The following SGCD variants were observed in gnomAD, a reference collection of about 807,000 sequenced individuals.
SGCD encodes sarcoglycan delta, also known as delta-sarcoglycan.
SGCD carries 18 observed loss-of-function variants against 36.6 expected under a neutral mutation model. That is an observed-to-expected ratio of 0.49 (90% CI 0.34 to 0.73). SGCD has a LOEUF of 0.73. SGCD is among the 30% of genes least tolerant of loss of function. The probability of loss-of-function intolerance (pLI) is 0.01; values close to 1 mark genes in which losing one functional copy is unlikely to be tolerated. For missense variants in SGCD, 387 were observed against 346.7 expected (o/e 1.12, Z -0.92); for synonymous variants, 133 against 130.6 (o/e 1.02, Z -0.12).
intron 3 of SGCD, among the ~76,000 whole-genome samples, chr5:156,446,363 G>T (rs569305322): frequency 6.6e-6 from 1 of 152,234 alleles, no homozygotes; most frequent in African/African-American, 2.4e-5. Flanking sequence ...GGTAAGAGAA[G>T]CTCAGTGTAG....
At chr5:155,950,394 G>A (rs1367124295) in intron 1 of SGCD, among the ~76,000 whole-genome samples, 6 of 152,148 alleles carry the variant, frequency 3.9e-5, no homozygotes, top group Admixed American at 3.9e-4. Context: ...ATGTCCTGAT[G>A]TCCTCAACCT....
At chr5:156,379,036 C>T (rs946859896) in intron 3 of SGCD, among the ~76,000 whole-genome samples, 1 of 152,114 alleles carries the variant, frequency 6.6e-6, no homozygotes, top group Non-Finnish European at 1.5e-5. Context: ...TACTCACAAA[C>T]CTATTCATAA....
intron 3 of SGCD, among the ~76,000 whole-genome samples, chr5:156,278,032 G>A (rs1766360993): frequency 6.6e-6 from 1 of 152,116 alleles, no homozygotes. Context: ...AAAAGGGGAG[G>A]GAGCATCAGA....
chr5:156,358,571 T>G (rs1341493066), intron 3 of SGCD, among the ~76,000 whole-genome samples: 1 of 152,220 alleles, frequency 6.6e-6, no homozygotes, highest in African/African-American at 2.4e-5. Flanking sequence ...GTGCTTGAGA[T>G]ATGAGAGTGA....
chr5:155,975,822 G>A (rs1758102638), intron 1 of SGCD, among the ~76,000 whole-genome samples: 1 of 150,744 alleles, frequency 6.6e-6, no homozygotes, highest in South Asian at 2.1e-4. Context: ...TAGAGACGGG[G>A]TTTTGCCATG....
chr5:156,268,152 C>T (rs1046361868), intron 3 of SGCD, among the ~76,000 whole-genome samples: 1 of 152,124 alleles, frequency 6.6e-6, no homozygotes, highest in Non-Finnish European at 1.5e-5. Flanking sequence ...CATGTTCCTG[C>T]AAAAACATGA....
At chr5:155,912,072 T>C (rs1756641724) in intron 1 of SGCD, among the ~76,000 whole-genome samples, 1 of 152,072 alleles carries the variant, frequency 6.6e-6, no homozygotes, top group Non-Finnish European at 1.5e-5. Context: ...AGATGGTCAG[T>C]GATGTCATTC....
intron 4 of SGCD, among the ~76,000 whole-genome samples, chr5:156,571,457 CTT>C (rs888043947): frequency 1.3e-5 from 2 of 152,176 alleles, no homozygotes; most frequent in Admixed American, 1.3e-4. Context: ...TATTCTCTCT[CTT>C]AGATATGATA....
At chr5:156,556,809 G>T (rs1006763813) in intron 4 of SGCD, among the ~76,000 whole-genome samples, 9 of 152,158 alleles carry the variant, frequency 5.9e-5, no homozygotes, top group African/African-American at 2.2e-4. Context: ...AATAATGAGA[G>T]AATTTTCATA....
At chr5:155,792,608 A>C in the SGCD span, among the ~76,000 whole-genome samples, 1 of 152,188 alleles carries the variant, frequency 6.6e-6, no homozygotes, top group Non-Finnish European at 1.5e-5. Flanking sequence ...ATGAGCAGAC[A>C]CTTCTCAAAA....
chr5:156,574,630 T>A (rs1759852259), intron 4 of SGCD, among the ~76,000 whole-genome samples: 1 of 152,278 alleles, frequency 6.6e-6, no homozygotes, highest in South Asian at 2.1e-4. Flanking sequence ...TTGGGTTTTT[T>A]TTCCCTGTGT....
At position 156,676,212 on chromosome 5, in the gene SGCD, T is replaced by C. The variant is rs148389136; in HGVS notation, c.575+28676T>C. On this transcript the variant is annotated intron_variant, in intron 7 of 8. Transcript: ENST00000337851. ...TGTGTTCTTTACCCTGAAAGCCAAT[T>C]GAGTACCTATTTTTCATGTGGCTTG... 3.9e-5 allele frequency among the ~76,000 whole-genome samples: 6 copies of C among 152,312 alleles called. No homozygotes were observed. The East Asian group carries it at 1.2e-3, about 29-fold the overall frequency.
intron 2 of SGCD, among the ~76,000 whole-genome samples, chr5:156,332,993 A>G (rs1768143636): frequency 6.6e-6 from 1 of 152,222 alleles, no homozygotes; most frequent in Non-Finnish European, 1.5e-5. Flanking sequence ...TCTACATGAA[A>G]GCATGCAAAG....
At chr5:156,501,093 T>G (rs535275828) in intron 3 of SGCD, among the ~76,000 whole-genome samples, 39 of 152,282 alleles carry the variant, frequency 2.6e-4, no homozygotes, top group Non-Finnish European at 4.9e-4. Context: ...AGCCATTTCC[T>G]TTGGAAGCCT....
chr5:156,120,918 T>C lies in SGCD; in HGVS notation c.-207-2938T>C, dbSNP rs181318808. ...TCAGAATGCAGGAATAATTGTAGAC[T>C]GTGCCTTGACATTCCAGAACCGAGG... On this transcript the variant is annotated intron_variant, in intron 2 of 9. Transcript: ENST00000517913. Among the ~76,000 whole-genome samples, 9 of 152,294 alleles carry C rather than the reference T, an allele frequency of 5.9e-5. No individual in the cohort carries two copies. In the East Asian group the frequency reaches 1.5e-3, roughly 26 times the overall value.
At chr5:155,967,812 T>C (rs1162578817) in intron 1 of SGCD, among the ~76,000 whole-genome samples, 1 of 152,102 alleles carries the variant, frequency 6.6e-6, no homozygotes, top group Non-Finnish European at 1.5e-5. Context: ...GTAGAGATAG[T>C]GTGGCGCTCC....
At chr5:156,426,683 T>C (rs1198164976) in intron 3 of SGCD, among the ~76,000 whole-genome samples, 1 of 152,134 alleles carries the variant, frequency 6.6e-6, no homozygotes, top group Non-Finnish European at 1.5e-5. Context: ...TGAAGAACAT[T>C]TATGGTTTCA....
intron 7 of SGCD, among the ~76,000 whole-genome samples, chr5:156,696,911 ACACAACACACAC>A (rs1167764909): frequency 1.8e-5 from 2 of 111,732 alleles, no homozygotes; most frequent in African/African-American, 7.5e-5. Flanking sequence ...TCATCCTTAC[ACACAACACACAC>A]ACACACACAC....
At chr5:155,875,516 G>C (rs1306526169) in intron 1 of SGCD, among the ~76,000 whole-genome samples, 1 of 152,068 alleles carries the variant, frequency 6.6e-6, no homozygotes, top group African/African-American at 2.4e-5. Flanking sequence ...CACATCTGCT[G>C]TTAAGGACTC....
Sources: gnomAD v4.1 joint callset for allele counts (sites outside exome capture counted in the v4.1 genomes callset) on GRCh38, gnomAD v4.1.1 for gene constraint, MANE v1.5 for transcripts, NCBI Gene and HGNC (gene_info 2026-07-23, HGNC 2026-07-21) for gene names.